CDH12: variants seen among roughly 807,000 people sequenced by gnomAD.
CDH12 encodes cadherin 12, also known as cadherin-12.
In CDH12, 41 loss-of-function variants were observed where a neutral mutation model predicts 74.1. The observed-to-expected ratio is 0.55, with a 90% CI of 0.43 to 0.72. CDH12 has a LOEUF of 0.72. Ranked by LOEUF, CDH12 falls within the 30% of genes least tolerant of loss-of-function variation. The probability of loss-of-function intolerance (pLI) is 0.00; values close to 1 mark genes in which losing one functional copy is unlikely to be tolerated. For missense variants in CDH12, 945 were observed against 977.2 expected (o/e 0.97, Z 0.44); for synonymous variants, 399 against 355.0 (o/e 1.12, Z -1.39).
At chr5:21,970,839 C>CAAAAAAAAAAAAAAAAAAAAAAAAA (rs1167373938) in intron 6 of CDH12, among the ~76,000 whole-genome samples, 2 of 27,794 alleles carry the variant, frequency 7.2e-5, no homozygotes, top group Non-Finnish European at 1.2e-4. Flanking sequence ...GACTCTTTCT[C>CAAAAAAAAAAAAAAAAAAAAAAAAA]AAAAAAAAAA....
At chr5:21,916,220 G>C (rs1292404418) in intron 6 of CDH12, among the ~76,000 whole-genome samples, 1 of 152,032 alleles carries the variant, frequency 6.6e-6, no homozygotes, top group East Asian at 1.9e-4. Flanking sequence ...AGATAGACAA[G>C]CCATATAGCC....
intron 3 of CDH12, among the ~76,000 whole-genome samples, chr5:22,309,932 A>C (rs987145960): frequency 2.7e-5 from 4 of 148,114 alleles, no homozygotes; most frequent in Non-Finnish European, 6.0e-5. Context: ...GTTAATAAAT[A>C]AACAATTATC....
intron 8 of CDH12, among the ~76,000 whole-genome samples, chr5:21,841,426 C>T (rs1217094797): frequency 1.8e-4 from 28 of 151,520 alleles, no homozygotes; most frequent in Non-Finnish European, 5.9e-5. Context: ...TAAACTAGTT[C>T]GACCATTGTG....
At chr5:22,528,577 G>A (rs1737393387) in intron 1 of CDH12, among the ~76,000 whole-genome samples, 1 of 152,116 alleles carries the variant, frequency 6.6e-6, no homozygotes, top group African/African-American at 2.4e-5. Flanking sequence ...CAGGGGACAC[G>A]TAGAAGCTTT....
intron 4 of CDH12, among the ~76,000 whole-genome samples, chr5:22,200,795 T>C (rs1750886131): frequency 6.6e-6 from 1 of 152,220 alleles, no homozygotes; most frequent in Non-Finnish European, 1.5e-5. Context: ...TCACTAACTA[T>C]TCTTTTTACA....
chr5:21,939,128 T>C (rs953651287), intron 6 of CDH12, among the ~76,000 whole-genome samples: 28 of 144,644 alleles, frequency 1.9e-4, no homozygotes, highest in African/African-American at 5.3e-5. Context: ...TGTATAGATA[T>C]AGAAAAGAAA....
At chr5:22,736,657 A>G (rs1446238167) in intron 1 of CDH12, among the ~76,000 whole-genome samples, 1 of 151,764 alleles carries the variant, frequency 6.6e-6, no homozygotes, top group Non-Finnish European at 1.5e-5. Context: ...GCATTTTCAC[A>G]TATGTATCAG....
At chr5:21,968,141 G>A (rs1003232022) in intron 6 of CDH12, among the ~76,000 whole-genome samples, 4 of 152,182 alleles carry the variant, frequency 2.6e-5, no homozygotes, top group African/African-American at 7.2e-5. Flanking sequence ...AAGGGAAGAA[G>A]ATAATAAGCT....
At chr5:22,028,870 G>A (rs1054190042) in intron 5 of CDH12, among the ~76,000 whole-genome samples, 1 of 152,092 alleles carries the variant, frequency 6.6e-6, no homozygotes, top group African/African-American at 2.4e-5. Flanking sequence ...TATACTACAA[G>A]GCTACAGTAA....
intron 1 of CDH12, among the ~76,000 whole-genome samples, chr5:22,674,699 G>A (rs1741076382): frequency 6.6e-6 from 1 of 152,118 alleles, no homozygotes; most frequent in South Asian, 2.1e-4. Context: ...ATAACGATAT[G>A]GACAAAGAGT....
chr5:21,826,563 G>T (rs1748681113), intron 8 of CDH12, among the ~76,000 whole-genome samples: 1 of 152,106 alleles, frequency 6.6e-6, no homozygotes, highest in East Asian at 1.9e-4. Context: ...CCCCTGGCCT[G>T]AGGTGTCTTT....
chr5:22,713,132 C>CTTTTT (rs70959753), intron 1 of CDH12, among the ~76,000 whole-genome samples: 1 of 61,210 alleles, frequency 1.6e-5, no homozygotes, highest in African/African-American at 6.2e-5. Context: ...TATGCTAATT[C>CTTTTT]TTTTTTTTTT....
intron 1 of CDH12, among the ~76,000 whole-genome samples, chr5:22,850,461 T>G (rs1409598009): frequency 6.6e-6 from 1 of 152,064 alleles, no homozygotes; most frequent in Non-Finnish European, 1.5e-5. Flanking sequence ...ATTTAACAAT[T>G]AAATGTATTT....
intron 1 of CDH12, among the ~76,000 whole-genome samples, chr5:22,725,255 C>A (rs1044004412): frequency 2.6e-5 from 4 of 151,610 alleles, no homozygotes; most frequent in African/African-American, 7.3e-5. Context: ...ATTATGTGAA[C>A]GTATTTCATC....
At chr5:22,613,981 T>C (rs1016962856) in intron 1 of CDH12, among the ~76,000 whole-genome samples, 2 of 152,140 alleles carry the variant, frequency 1.3e-5, no homozygotes, top group African/African-American at 4.8e-5. Flanking sequence ...CAGACATATA[T>C]GAAGTGACAG....
At chr5:21,806,460 C>T (rs1397849830) in intron 9 of CDH12, among the ~76,000 whole-genome samples, 1 of 152,108 alleles carries the variant, frequency 6.6e-6, no homozygotes, top group Non-Finnish European at 1.5e-5. Flanking sequence ...CTTCCTTTCT[C>T]CCTCTCATAA....
intron 6 of CDH12, among the ~76,000 whole-genome samples, chr5:21,912,554 A>G (rs1185510396): frequency 6.6e-6 from 1 of 152,176 alleles, no homozygotes; most frequent in Non-Finnish European, 1.5e-5. Context: ...TCTGCCACAC[A>G]TGAGACAGTA....
intron 6 of CDH12, among the ~76,000 whole-genome samples, chr5:21,908,734 G>A (rs771996726): frequency 3.9e-5 from 6 of 152,110 alleles, no homozygotes; most frequent in African/African-American, 1.2e-4. Context: ...GTGGGAAGGC[G>A]TGCTCATCTT....
At chr5:22,552,310 T>C (rs1051624537) in intron 1 of CDH12, among the ~76,000 whole-genome samples, 3 of 152,104 alleles carry the variant, frequency 2.0e-5, no homozygotes, top group Non-Finnish European at 4.4e-5. Flanking sequence ...CAAACAAACA[T>C]ATCATCATGC....
Sources: allele counts gnomAD v4.1 joint callset (sites outside exome capture counted in the v4.1 genomes callset), GRCh38; gene constraint gnomAD v4.1.1; transcripts MANE v1.5; gene names NCBI Gene and HGNC (gene_info 2026-07-23, HGNC 2026-07-21).